Variants in SUGCT observed in about 807,000 individuals in gnomAD.
SUGCT encodes the protein succinyl-CoA:glutarate CoA-transferase.
SUGCT carries 41 observed loss-of-function variants against 55.0 expected under a neutral mutation model. The observed-to-expected ratio is 0.74, with a 90% CI of 0.58 to 0.97. The LOEUF is 0.97. Among genes scored for constraint, SUGCT ranks in the 50% least tolerant of loss-of-function variants. SUGCT has a pLI of 0.00. For synonymous variants in SUGCT, 187 were observed against 200.4 expected, an observed-to-expected ratio of 0.93 and a Z score of 0.56; for missense variants, 568 against 547.8, an observed-to-expected ratio of 1.04 and a Z score of -0.37.
chr7:40,747,945 C>A (rs1369112126), intron 12 of SUGCT, among the ~76,000 whole-genome samples: 45 of 152,224 alleles, frequency 3.0e-4, no homozygotes, highest in Non-Finnish European at 2.4e-4. Flanking sequence ...TTTTTGCTTA[C>A]CCCCAGGGAA....
At chr7:40,159,214 C>T (rs768210908) in intron 1 of SUGCT, among the ~76,000 whole-genome samples, 135 of 152,332 alleles carry the variant, frequency 8.9e-4, no homozygotes, top group Non-Finnish European at 1.5e-3. Context: ...GCCACCACGC[C>T]TGGCCAGATA....
intron 9 of SUGCT, among the ~76,000 whole-genome samples, chr7:40,377,897 A>G (rs1049195700): frequency 6.6e-6 from 1 of 152,190 alleles, no homozygotes; most frequent in African/African-American, 2.4e-5. Flanking sequence ...TCAGCACTTT[A>G]GATATAATAT....
At chr7:40,405,831 G>C (rs111360618) in intron 9 of SUGCT, among the ~76,000 whole-genome samples, 5 of 114,682 alleles carry the variant, frequency 4.4e-5, no homozygotes, top group African/African-American at 1.6e-4. Context: ...AAAAAAAAAA[G>C]AAAAACCAAT....
At chr7:40,778,127 C>T (rs1322237447) in intron 13 of SUGCT, among the ~76,000 whole-genome samples, 2 of 152,206 alleles carry the variant, frequency 1.3e-5, no homozygotes, top group Admixed American at 6.5e-5. Context: ...GTCACATGGA[C>T]TGAAAGCCAG....
rs374529129 is a variant in SUGCT at position 40,400,533 on chromosome 7, C to T, written c.817-48754C>T. 3.9e-5 allele frequency among the ~76,000 whole-genome samples: 6 copies of T among 152,162 alleles called. No individual in the cohort carries two copies. In the East Asian group the frequency reaches 7.7e-4, roughly 20 times the overall value. On this transcript the variant is annotated intron_variant, in intron 9 of 13. Transcript: ENST00000335693. ...GACAGTTCTATTTTTAGTTAAGAGG[C>T]GATATACTCTTCATGAAGCATATAT...
In SUGCT at chr7:40,402,753, C is replaced by T. The variant is rs181861921; in HGVS notation, c.817-46534C>T. On this transcript the variant is annotated intron_variant, in intron 9 of 13. Transcript: ENST00000335693. ...TCTCTCTCTCAGCTTTTAGAAAGTC[C>T]GCTCTCATTGCTTCATCCTGATCGG... Among the ~76,000 whole-genome samples, 4 of 152,244 alleles carry T rather than the reference C, an allele frequency of 2.6e-5. No individual in the cohort carries two copies. In the East Asian group the frequency reaches 5.8e-4, roughly 22 times the overall value.
chr7:40,851,308 G>T (rs1370009112), intron 13 of SUGCT, among the ~76,000 whole-genome samples: 1 of 147,724 alleles, frequency 6.8e-6, no homozygotes. Context: ...GGCATTAAAT[G>T]CATTTGTAAA....
At chr7:40,615,370 C>T (rs1250142200) in intron 12 of SUGCT, among the ~76,000 whole-genome samples, 1 of 152,102 alleles carries the variant, frequency 6.6e-6, no homozygotes, top group Non-Finnish European at 1.5e-5. Flanking sequence ...ACCATTTTTC[C>T]AGAACCTCTC....
chr7:40,740,653 A>AT (rs1165928155), intron 12 of SUGCT, among the ~76,000 whole-genome samples: 8 of 151,688 alleles, frequency 5.3e-5, no homozygotes, highest in African/African-American at 1.9e-4. Flanking sequence ...TTATCTTTAG[A>AT]TTTTTTGTAG....
intron 12 of SUGCT, among the ~76,000 whole-genome samples, chr7:40,669,775 GA>G (rs1216126879): frequency 6.6e-6 from 1 of 151,710 alleles, no homozygotes; most frequent in African/African-American, 2.4e-5. Context: ...AAATAGACTA[GA>G]AAAAAAGAAA....
At chr7:40,354,827 T>C (rs1333573527) in intron 9 of SUGCT, among the ~76,000 whole-genome samples, 1 of 152,240 alleles carries the variant, frequency 6.6e-6, no homozygotes, top group Non-Finnish European at 1.5e-5. Context: ...ACAATAATAA[T>C]AGTTAATACT....
At chr7:40,383,472 C>T (rs1405693937) in intron 9 of SUGCT, among the ~76,000 whole-genome samples, 1 of 152,142 alleles carries the variant, frequency 6.6e-6, no homozygotes, top group East Asian at 1.9e-4. Flanking sequence ...ATTTTTTCAT[C>T]TTAAATTACA....
intron 12 of SUGCT, among the ~76,000 whole-genome samples, chr7:40,505,594 A>G (rs1436545864): frequency 6.6e-6 from 1 of 152,040 alleles, no homozygotes; most frequent in Non-Finnish European, 1.5e-5. Flanking sequence ...TCAGTTTTGT[A>G]CTGATTTAAT....
chr7:40,330,784 G>A lies in SUGCT; in HGVS notation c.816+13929G>A, dbSNP rs193232011. Among the ~76,000 whole-genome samples the A allele has an allele frequency of 2.9e-3, 437 of 152,210 alleles. 1 individual carries two copies. Among genetic ancestry groups the A allele is most frequent in the African/African-American group, 9.6e-3 (397 of 41,530 alleles). ...GTTTTATTGATGTAAAAACAATACAGTTTTAGCTTACATATAATTTTCTTT... is the reference window on the plus strand; with the variant it reads ...GTTTTATTGATGTAAAAACAATACAATTTTAGCTTACATATAATTTTCTTT... On this transcript the variant is annotated intron_variant, in intron 9 of 13. Transcript: ENST00000335693.
the SUGCT span, among the ~76,000 whole-genome samples, chr7:41,006,006 C>T: frequency 2.0e-5 from 3 of 152,090 alleles, no homozygotes; most frequent in African/African-American, 7.2e-5. Context: ...TTTGTGAAGC[C>T]CTCCTAAGAT....
chr7:40,572,881 T>A (rs1796530226), intron 12 of SUGCT, among the ~76,000 whole-genome samples: 1 of 152,042 alleles, frequency 6.6e-6, no homozygotes, highest in South Asian at 2.1e-4. Flanking sequence ...CAAACTTCTG[T>A]GAAAGAAGAG....
chr7:41,004,841 A>G, the SUGCT span, among the ~76,000 whole-genome samples: 751 of 152,224 alleles, frequency 4.9e-3, 5 homozygotes, highest in African/African-American at 0.017. Context: ...TATTCTTCTC[A>G]TTGAAACAAG....
rs147806253 is a variant in SUGCT, at chr7:40,501,621, C to T, written c.1089+5235C>T. 2.7e-3 allele frequency among the ~76,000 whole-genome samples: 414 copies of T among 152,118 alleles called. 2 individuals carry two copies. The highest frequency in any genetic ancestry group is 9.7e-3 in the African/African-American group (402 of 41,504). ...ATAATCATTTCTTCATTCAGTCATC[C>T]CTTCCTTCATTCAATCATCCCTTCC... On this transcript the variant is annotated intron_variant, in intron 12 of 13. Coordinates refer to ENST00000335693, the MANE Select transcript of SUGCT (RefSeq NM_001193313.2).
intron 12 of SUGCT, among the ~76,000 whole-genome samples, chr7:40,609,155 TA>T (rs1798655068): frequency 2.0e-5 from 3 of 152,186 alleles, no homozygotes; most frequent in South Asian, 4.1e-4. Context: ...CTAGTATCCT[TA>T]TCTGTGAAAC....
Sources: gnomAD v4.1 joint callset for allele counts (sites outside exome capture counted in the v4.1 genomes callset) on GRCh38, gnomAD v4.1.1 for gene constraint, MANE v1.5 for transcripts, NCBI Gene and HGNC (gene_info 2026-07-23, HGNC 2026-07-21) for gene names.